The following TRPM3 variants were observed in gnomAD, a reference collection of about 807,000 sequenced individuals.
TRPM3 encodes the protein long transient receptor potential channel 3.
Under a neutral mutation model 181.2 loss-of-function variants are expected in TRPM3, and 77 were observed. The observed-to-expected ratio is 0.42, with a 90% CI of 0.35 to 0.51. The LOEUF (loss-of-function observed/expected upper bound fraction) is 0.51. Ranked by LOEUF, TRPM3 falls within the 20% of genes least tolerant of loss-of-function variation. The pLI is 0.01. For synonymous variants in TRPM3, 745 were observed against 796.4 expected, an observed-to-expected ratio of 0.94 and a Z score of 1.09; for missense variants, 1,759 against 2,196.7, an observed-to-expected ratio of 0.80 and a Z score of 3.98.
chr9:70,694,122 G>C (rs2069442735), intron 8 of TRPM3, among the ~76,000 whole-genome samples: 1 of 152,138 alleles, frequency 6.6e-6, no homozygotes, highest in African/African-American at 2.4e-5. Flanking sequence ...AAATGTTTTG[G>C]AAGAAAACAT....
intron 1 of TRPM3, among the ~76,000 whole-genome samples, chr9:71,014,815 G>A (rs1018593024): frequency 6.6e-6 from 1 of 152,012 alleles, no homozygotes; most frequent in African/African-American, 2.4e-5. Flanking sequence ...TAATTTGTGA[G>A]TTTAATTCAT....
At chr9:71,118,026 C>A (rs1395672436) in intron 1 of TRPM3, among the ~76,000 whole-genome samples, 3 of 152,158 alleles carry the variant, frequency 2.0e-5, no homozygotes, top group Admixed American at 6.5e-5. Flanking sequence ...ATGCTAAGAA[C>A]ATTCTGTCAC....
At chr9:71,320,112 A>G (rs768739868) in intron 1 of TRPM3, among the ~76,000 whole-genome samples, 1 of 151,828 alleles carries the variant, frequency 6.6e-6, no homozygotes, top group Non-Finnish European at 1.5e-5. Flanking sequence ...CAGCCATCCC[A>G]GAATATATTG....
chr9:70,810,334 C>T (rs1282861001), intron 6 of TRPM3, among the ~76,000 whole-genome samples: 3 of 149,504 alleles, frequency 2.0e-5, no homozygotes, highest in African/African-American at 7.4e-5. Flanking sequence ...CCCCACCCTC[C>T]TCTCCATCAC....
At chr9:71,304,549 TAAGTC>T (rs928698743) in intron 1 of TRPM3, among the ~76,000 whole-genome samples, 4 of 152,216 alleles carry the variant, frequency 2.6e-5, no homozygotes, top group African/African-American at 7.2e-5. Flanking sequence ...ATCCTTTACT[TAAGTC>T]AAGTTCCGTT....
intron 7 of TRPM3, chr9:70,776,310 C>G: frequency 1.7e-6 from 1 of 582,702 alleles, no homozygotes; most frequent in Non-Finnish European, 3.1e-6. Context: ...ACTGTAAAGT[C>G]GAAGGAAGCT....
At chr9:71,198,291 G>A (rs2078530532) in intron 1 of TRPM3, among the ~76,000 whole-genome samples, 1 of 151,990 alleles carries the variant, frequency 6.6e-6, no homozygotes, top group East Asian at 1.9e-4. Flanking sequence ...AGTATAGTTT[G>A]AAGTCAGGTA....
chr9:71,071,918 A>G (rs546196720), intron 1 of TRPM3, among the ~76,000 whole-genome samples: 3 of 152,286 alleles, frequency 2.0e-5, no homozygotes, highest in South Asian at 2.1e-4. Flanking sequence ...TACTCCTTCA[A>G]GGAGACATCA....
chr9:70,547,242 A>G (rs1206365277), intron 25 of TRPM3, among the ~76,000 whole-genome samples: 1 of 152,164 alleles, frequency 6.6e-6, no homozygotes, highest in African/African-American at 2.4e-5. Flanking sequence ...ATACACAGCT[A>G]ATTTAGGTAA....
chr9:70,684,978 T>C lies in TRPM3; in HGVS notation c.1273-3400A>G, dbSNP rs557053831. ...TCTGGCAGAGTTAGCAGGATGTTTA[T>C]ATGCTGTTTGGTGCCGGACCATTTT... is the stretch of plus-strand genomic sequence containing the variant. On this transcript the variant is annotated intron_variant, in intron 8 of 25. Transcript: ENST00000677713. 3.9e-5 allele frequency among the ~76,000 whole-genome samples: 6 copies of C among 152,294 alleles called. No individual in the cohort carries two copies. In the East Asian group the frequency reaches 9.6e-4, roughly 24 times the overall value.
intron 7 of TRPM3, among the ~76,000 whole-genome samples, chr9:70,782,899 G>A (rs945411982): frequency 5.3e-5 from 8 of 152,152 alleles, no homozygotes; most frequent in African/African-American, 7.2e-5. Flanking sequence ...CTAGGTAGGC[G>A]TACTGTTTTA....
chr9:70,938,857 C>T (rs1458386974), intron 1 of TRPM3, among the ~76,000 whole-genome samples: 1 of 151,846 alleles, frequency 6.6e-6, no homozygotes, highest in Non-Finnish European at 1.5e-5. Flanking sequence ...ACTTGGGAAG[C>T]TGAGGCAGGA....
In TRPM3 at chr9:70,537,386, G is replaced by A. The variant is rs777311611; in HGVS notation, c.3727C>T (p.Arg1243Trp). Residue 1243 changes from arginine (R) to tryptophan (W), a missense_variant, in exon 26 of 26, where the codon CGG (arginine) becomes TGG (tryptophan). This residue lies in a region of TRPM3 where 96 missense variants were observed against 129.6 expected (regional missense o/e 0.74). Coordinates refer to ENST00000677713, the MANE Select transcript of TRPM3 (RefSeq NM_001366145.2). ...TCTCTCTCGTTGACTTCCTCCAGCCGCATAGACATGTTCTCCACCCTGCGC... is the reference window on the plus strand; with the variant it reads ...TCTCTCTCGTTGACTTCCTCCAGCCACATAGACATGTTCTCCACCCTGCGC... ...TSERVENMSM[R>W]LEEVNEREHS... is the part of the protein sequence containing the mutation. 3 of 1,485,454 alleles carry A rather than the reference G, an allele frequency of 2.0e-6. No homozygotes were observed. Among genetic ancestry groups the A allele is most frequent in the African/African-American group, 1.4e-5 (1 of 71,366 alleles). 92.0% of individuals were successfully genotyped at this position (1,485,454 alleles called of 1,614,324 possible).
intron 1 of TRPM3, among the ~76,000 whole-genome samples, chr9:71,165,187 G>A (rs929564994): frequency 6.6e-6 from 1 of 152,104 alleles, no homozygotes; most frequent in Non-Finnish European, 1.5e-5. Context: ...TTACTTAACT[G>A]CCTATACCTA....
intron 1 of TRPM3, among the ~76,000 whole-genome samples, chr9:70,930,829 C>T (rs1564788347): frequency 6.6e-6 from 1 of 151,700 alleles, no homozygotes. Context: ...AACCTTGCAG[C>T]ATGTTTAGTT....
At chr9:70,775,802 GT>G (rs2081250068) in intron 7 of TRPM3, 1 of 151,010 alleles carries the variant, frequency 6.6e-6, no homozygotes. Flanking sequence ...TTTTTTTGTA[GT>G]TTTTTCCTCT....
intron 1 of TRPM3, among the ~76,000 whole-genome samples, chr9:70,895,796 C>A (rs2096271852): frequency 6.6e-6 from 1 of 152,054 alleles, no homozygotes; most frequent in Non-Finnish European, 1.5e-5. Flanking sequence ...CACAGACTCA[C>A]CCTCAAAACA....
rs1215780112 is a variant in TRPM3, at chr9:71,032,021, A to ATTATAT, written c.177+89156_177+89157insATATAA. ...TATAATTATATAATATATAATATAT[A>ATTATAT]TATATAATATAAATATATATATATA... On this transcript the variant is annotated intron_variant, in intron 1 of 25. Coordinates refer to ENST00000677713, the MANE Select transcript of TRPM3 (RefSeq NM_001366145.2). Among the ~76,000 whole-genome samples, 11 of 51,764 alleles carry ATTATAT rather than the reference A, an allele frequency of 2.1e-4. 5 individuals carry two copies. Among genetic ancestry groups the ATTATAT allele is most frequent in the Non-Finnish European group, 2.9e-4 (7 of 24,530 alleles). 34.0% of individuals were successfully genotyped at this position (51,764 alleles called of 152,430 possible).
intron 1 of TRPM3, among the ~76,000 whole-genome samples, chr9:70,998,265 A>ATT (rs5898174): frequency 4.9e-4 from 72 of 145,870 alleles, no homozygotes; most frequent in African/African-American, 1.2e-3. Flanking sequence ...ATATATATAT[A>ATT]TTTTTTTTAG....
Sources: allele counts gnomAD v4.1 joint callset (sites outside exome capture counted in the v4.1 genomes callset), GRCh38; gene constraint gnomAD v4.1.1; regional missense constraint gnomAD v4.1.1; transcripts MANE v1.5; gene names NCBI Gene and HGNC (gene_info 2026-07-23, HGNC 2026-07-21).